The following CACNB1 variants were observed in gnomAD, a reference collection of about 807,000 sequenced individuals.
CACNB1 encodes calcium voltage-gated channel auxiliary subunit beta 1, also known as voltage-dependent L-type calcium channel subunit beta-1.
In CACNB1, 29 loss-of-function variants were observed where a neutral mutation model predicts 71.6. The observed-to-expected ratio is 0.40, with a 90% CI of 0.30 to 0.55. CACNB1 has a LOEUF of 0.55. Among genes scored for constraint, CACNB1 ranks in the 20% least tolerant of loss-of-function variants. The pLI, the probability that CACNB1 is intolerant of heterozygous loss-of-function variation, is 0.38. For missense variants in CACNB1, 623 were observed against 801.8 expected, an observed-to-expected ratio of 0.78 and a Z score of 2.69; for synonymous variants, 300 against 319.6, an observed-to-expected ratio of 0.94 and a Z score of 0.65.
At chr17:39,185,723 T>G (rs2045921428) in intron 6 of CACNB1, among the ~76,000 whole-genome samples, 1 of 151,892 alleles carries the variant, frequency 6.6e-6, no homozygotes, top group Non-Finnish European at 1.5e-5. Flanking sequence ...GCCCCAGGTG[T>G]GGGGGCAACC....
chr17:39,185,042 G>A (rs1297302151), intron 7 of CACNB1, 89 bp downstream of exon 7: 2 of 1,233,064 alleles, frequency 1.6e-6, no homozygotes, highest in Non-Finnish European at 2.4e-6. Context: ...TGGGGGAAAT[G>A]GGGGACAGAT....
intron 13 of CACNB1, among the ~76,000 whole-genome samples, chr17:39,176,222 C>A (rs960320023): frequency 1.3e-5 from 2 of 152,152 alleles, no homozygotes; most frequent in Admixed American, 1.3e-4. Context: ...AACAAGCACT[C>A]AAAGCAGCAA....
At position 39,177,332 on chromosome 17, in the gene CACNB1, C is replaced by G. The variant is rs2045607470; in HGVS notation, c.1332+18G>C. ...CCCAGAAGCCGAGGTTTCTCCTGAGCGAGGTGAGCACCTGTACCTGGAGGT... is the reference window on the plus strand; with the variant it reads ...CCCAGAAGCCGAGGTTTCTCCTGAGGGAGGTGAGCACCTGTACCTGGAGGT... On this transcript the variant is annotated intron_variant, in intron 13 of 13. Transcript: ENST00000394303. 6.2e-7 allele frequency: 1 copy of G among 1,612,170 alleles called. No homozygotes were observed. The highest frequency in any genetic ancestry group is 1.3e-5 in the African/African-American group (1 of 74,922).
intron 2 of CACNB1, chr17:39,192,691 C>T (rs1744606857): frequency 1.3e-5 from 2 of 152,284 alleles, no homozygotes; most frequent in Admixed American, 6.6e-5. Context: ...GGGGTTCTTT[C>T]CTGAGGGCAG....
rs1428698471 is a variant in CACNB1 at position 39,175,804 on chromosome 17, C to T, written c.1333-147G>A. On this transcript the variant is annotated intron_variant, in intron 13 of 13. Transcript: ENST00000394303. The surrounding 1 kb of genome is among the most constrained non-coding windows in gnomAD (Gnocchi z 4.7). ...CTAGAGGAGGGGCCCCGGGGACAAA[C>T]GGCTCTGGAGCCCAGCCAGAGGACA... 14 of 651,002 alleles carry T rather than the reference C, an allele frequency of 2.2e-5. No individual in the cohort carries two copies. Among genetic ancestry groups the T allele is most frequent in the Non-Finnish European group, 5.2e-6 (2 of 388,244 alleles). 40.3% of individuals were successfully genotyped at this position (651,002 alleles called of 1,614,324 possible).
At chr17:39,184,178 T>C (rs775690339) in intron 9 of CACNB1, 38 bp from the exon 10 acceptor site, 1 of 1,410,618 alleles carries the variant, frequency 7.1e-7, no homozygotes, top group African/African-American at 1.4e-5. Context: ...GGGGTCAGGG[T>C]GGGCTGGAAT....
Position 39,186,131 on chromosome 17 carries a change from AGGAG to A in CACNB1, c.628+361_628+364del. 6.2e-7 allele frequency: 1 copy of A among 1,607,854 alleles called. No homozygotes were observed. Among genetic ancestry groups the A allele is most frequent in the Non-Finnish European group, 8.5e-7 (1 of 1,175,274 alleles). ...TGGACCGGAGAGTCAGGAGAGAGGG[AGGAG>A]GGAGGCGAGGTGGGGAGAAGGAGTG... On this transcript the variant is annotated intron_variant, in intron 6 of 13. Transcript: ENST00000394303. This position sits in a 1 kb window ranked among gnomAD's most constrained non-coding sequence, Gnocchi z 4.1.
At position 39,186,763 on chromosome 17, in the gene CACNB1, G is replaced by A. The variant is rs1281563351; in HGVS notation, c.551+30C>T. On this transcript the variant is annotated intron_variant, in intron 5 of 13. Coordinates refer to ENST00000394303, the MANE Select transcript of CACNB1 (RefSeq NM_000723.5). This position sits in a 1 kb window ranked among gnomAD's most constrained non-coding sequence, Gnocchi z 4.1. ...TGTATGGCCTCTCCTGGGGTTGGCA[G>A]CATCCCCTTCCCCTGCCCCACCCAG... is the stretch of plus-strand genomic sequence containing the variant. The A allele has an allele frequency of 1.6e-5, 26 of 1,612,088 alleles. No individual in the cohort carries two copies. In the Admixed American group the frequency reaches 3.8e-4, roughly 24 times the overall value.
At position 39,197,503 on chromosome 17, in the gene CACNB1, A is replaced by T. The variant is rs2144194185; in HGVS notation, c.-8T>A. 1.3e-6 allele frequency: 2 copies of T among 1,489,240 alleles called. No individual in the cohort carries two copies. Among genetic ancestry groups the T allele is most frequent in the Non-Finnish European group, 1.8e-6 (2 of 1,121,912 alleles). 92.3% of individuals were successfully genotyped at this position (1,489,240 alleles called of 1,614,324 possible). ...GCTGGTCTTCTGGACCATGGAGAGG[A>T]GCCTCCCCTCCCGCCGCCGGCCCGG... is the stretch of plus-strand genomic sequence containing the variant. On this transcript the variant is annotated 5_prime_UTR_variant, in exon 1 of 14. Transcript: ENST00000394303.
intron 12 of CACNB1, 29 bp from the exon 13 acceptor site, chr17:39,177,564 T>C (rs753235965): frequency 1.3e-6 from 2 of 1,549,306 alleles, no homozygotes; most frequent in East Asian, 4.5e-5. Context: ...GGGGCAGGGC[T>C]GGGATGAGTG....
intron 2 of CACNB1, chr17:39,193,632 A>G (rs577924531): frequency 1.0e-3 from 263 of 258,680 alleles, no homozygotes; most frequent in African/African-American, 5.3e-3. Context: ...CCCCTCCACC[A>G]CTCCCCACCA....
chr17:39,180,673 GAGAA>G (rs1306653652), intron 11 of CACNB1, among the ~76,000 whole-genome samples: 1 of 151,742 alleles, frequency 6.6e-6, no homozygotes, highest in Admixed American at 6.6e-5. Flanking sequence ...AAAAAAAAGA[GAGAA>G]AGAAAGATAA....
chr17:39,193,289 T>C (rs2046129328), intron 2 of CACNB1: 1 of 323,206 alleles, frequency 3.1e-6, no homozygotes, highest in Admixed American at 4.2e-5. Flanking sequence ...CACACACATA[T>C]GCAGACACAT....
At position 39,177,473 on chromosome 17, in the gene CACNB1, C is replaced by A. The variant is rs1234244850; in HGVS notation, c.1209G>T (p.Glu403Asp). The change falls in exon 13 of 14, where the codon GAG becomes GAT. Residue 403 changes from glutamate (E) to aspartate (D), a missense_variant. Transcript: ENST00000394303. ...QLEDACEHLA[E>D]YLEAYWKATH... ...TGGCCTTCCAATAGGCTTCCAAGTA[C>A]TCCGCCAGATGCTCGCAGGCATCCT... 3.7e-6 allele frequency: 6 copies of A among 1,611,204 alleles called. No homozygotes were observed. The highest frequency in any genetic ancestry group is 1.6e-4 in the Middle Eastern group (1 of 6,070).
intron 3 of CACNB1, among the ~76,000 whole-genome samples, chr17:39,188,392 T>G (rs1176265181): frequency 6.6e-6 from 1 of 151,796 alleles, no homozygotes; most frequent in Non-Finnish European, 1.5e-5. Flanking sequence ...CTAGCCAAGA[T>G]GGTGAAACCC....
intron 13 of CACNB1, chr17:39,177,062 G>A (rs1323296894): frequency 7.5e-7 from 1 of 1,337,410 alleles, no homozygotes; most frequent in Admixed American, 3.1e-5. Context: ...CAGCAGATGC[G>A]CTCCTATGGC....
chr17:39,184,845 T>C lies in CACNB1; in HGVS notation c.668A>G (p.Tyr223Cys), dbSNP rs779017006. The C allele has an allele frequency of 6.9e-7, 1 of 1,444,704 alleles. No individual in the cohort carries two copies. The highest frequency in any genetic ancestry group is 9.6e-7 in the Non-Finnish European group (1 of 1,036,666). 89.5% of individuals were successfully genotyped at this position (1,444,704 alleles called of 1,614,324 possible). A position where few individuals can be genotyped will look rare whatever the true frequency, so the allele number is the denominator to read the frequency against. The change falls in exon 8 of 14, where the codon TAT (tyrosine) becomes TGT (cysteine). Residue 223 changes from tyrosine (Y) to cysteine (C), a missense_variant. Tyr to Cys is a radical substitution (Grantham distance 194, BLOSUM62 -2). Transcript: ENST00000394303. ...GGGCCTCATGGAAGGCACCACGTCA[T>C]AGGGGGGCACATGCTCTGTCTGGGG... ...KQKSTEHVPP[Y>C]DVVPSMRPII...
At chr17:39,190,614 G>A (rs2046051603) in intron 3 of CACNB1, among the ~76,000 whole-genome samples, 2 of 151,596 alleles carry the variant, frequency 1.3e-5, no homozygotes, top group Non-Finnish European at 2.9e-5. Context: ...TTTTAGTAGA[G>A]ACGGGGTTTC....
At chr17:39,192,428 T>C (rs1003810913) in intron 2 of CACNB1, 1 of 152,472 alleles carries the variant, frequency 6.6e-6, no homozygotes, top group African/African-American at 2.4e-5. Flanking sequence ...CACGTGCTTC[T>C]TCATGTGTGT....
Sources: allele counts gnomAD v4.1 joint callset (sites outside exome capture counted in the v4.1 genomes callset), GRCh38; gene constraint gnomAD v4.1.1; non-coding constraint Gnocchi (gnomAD v3.1); transcripts MANE v1.5; gene names NCBI Gene and HGNC (gene_info 2026-07-23, HGNC 2026-07-21).